Variants in DPY19L1 observed in about 807,000 individuals in gnomAD.
The protein encoded by DPY19L1 is dpy-19 like C-mannosyltransferase 1.
Under a neutral mutation model 96.9 loss-of-function variants are expected in DPY19L1, and 35 were observed. The observed-to-expected ratio is 0.36, with a 90% confidence interval of 0.28 to 0.48. The LOEUF (loss-of-function observed/expected upper bound fraction) is 0.48, where lower values mean the gene tolerates loss of function less well. DPY19L1 is among the 20% of genes least tolerant of loss of function. DPY19L1 has a pLI of 0.99. For missense variants in DPY19L1, 521 were observed against 777.9 expected (o/e 0.67, Z 3.93); for synonymous variants, 205 against 252.6 (o/e 0.81, Z 1.79).
At chr7:34,954,243 T>C (rs1784326711) in intron 13 of DPY19L1, among the ~76,000 whole-genome samples, 1 of 152,006 alleles carries the variant, frequency 6.6e-6, no homozygotes, top group South Asian at 2.1e-4. Flanking sequence ...AAAAATCTTC[T>C]CTAAATAAGA....
At chr7:34,955,778 C>G (rs1188684624) in intron 11 of DPY19L1, among the ~76,000 whole-genome samples, 3 of 152,134 alleles carry the variant, frequency 2.0e-5, no homozygotes, top group Non-Finnish European at 4.4e-5. Flanking sequence ...CAACTAAATA[C>G]TTCTCTGAAG....
At chr7:34,936,737 A>C (rs2128780388) in intron 21 of DPY19L1, among the ~76,000 whole-genome samples, 1 of 152,336 alleles carries the variant, frequency 6.6e-6, no homozygotes, top group East Asian at 1.9e-4. Context: ...CTGAATTCAA[A>C]CCACGTAGCA....
intron 7 of DPY19L1, among the ~76,000 whole-genome samples, chr7:34,977,938 C>T (rs1201891914): frequency 6.6e-6 from 1 of 151,892 alleles, no homozygotes; most frequent in Non-Finnish European, 1.5e-5. Context: ...ATTTTTAGCA[C>T]ACATTTCATA....
Position 35,037,366 on chromosome 7 carries a change from C to G in DPY19L1, c.29G>C (p.Arg10Pro). 2.8e-6 allele frequency: 1 copy of G among 354,960 alleles called. No individual in the cohort carries two copies. The highest frequency in any genetic ancestry group is 5.0e-6 in the Non-Finnish European group (1 of 198,094). 22.0% of individuals were successfully genotyped at this position (354,960 alleles called of 1,614,324 possible). Residue 10 changes from arginine (R) to proline (P), a missense_variant, in exon 1 of 22, where the codon CGG becomes CCG. Physicochemically the swap from Arg to Pro is moderately radical, Grantham distance 103. Transcript: ENST00000638088. MVLQARNKH[R>P]EAAPKPPQPP... ...CTGGGGCGGCTTGGGAGCCGCCTCCCGGTGCTTGTTCCGCGCCTGCAGGAC... is the reference window on the plus strand; with the variant it reads ...CTGGGGCGGCTTGGGAGCCGCCTCCGGGTGCTTGTTCCGCGCCTGCAGGAC...
chr7:35,004,068 C>G (rs1469009021), intron 6 of DPY19L1, among the ~76,000 whole-genome samples: 1 of 152,192 alleles, frequency 6.6e-6, no homozygotes. Flanking sequence ...ACTACAGGAG[C>G]CTTTTGTTCC....
At chr7:35,034,970 A>T (rs1180027879) in intron 1 of DPY19L1, among the ~76,000 whole-genome samples, 1 of 152,210 alleles carries the variant, frequency 6.6e-6, no homozygotes, top group East Asian at 1.9e-4. Context: ...GCTTTCAAAA[A>T]TGTCTAAACT....
At chr7:34,951,468 C>A (rs17792411) in intron 13 of DPY19L1, among the ~76,000 whole-genome samples, 8,888 of 151,834 alleles carry the variant, frequency 0.059, 357 homozygotes, top group Middle Eastern at 0.18. Context: ...TTTAAAAATT[C>A]TTGATTAGAA....
chr7:35,003,649 G>T (rs1284889394), intron 6 of DPY19L1, among the ~76,000 whole-genome samples: 2 of 152,204 alleles, frequency 1.3e-5, no homozygotes, highest in East Asian at 3.9e-4. Flanking sequence ...TGTCCCTACC[G>T]ACTGAGTCCT....
rs1471836741 is a variant in DPY19L1, at chr7:34,931,740, G to T, written c.2091-11C>A. 1 of 1,571,540 alleles carries T rather than the reference G, an allele frequency of 6.4e-7. No individual in the cohort carries two copies. Among genetic ancestry groups the T allele is most frequent in the Middle Eastern group, 1.7e-4 (1 of 5,828 alleles). ...ATACTGCAACCAGGCCTAGAAAAAT[G>T]AATGTACATGTTAAAAATCAATATG... On this transcript the variant is annotated splice_polypyrimidine_tract_variant and intron_variant, in intron 21 of 21. Coordinates refer to ENST00000638088, the MANE Select transcript of DPY19L1 (RefSeq NM_001366673.1).
chr7:34,965,656 G>A (rs1051136854), intron 10 of DPY19L1, among the ~76,000 whole-genome samples: 1 of 152,066 alleles, frequency 6.6e-6, no homozygotes, highest in Non-Finnish European at 1.5e-5. Flanking sequence ...CATTATAAAT[G>A]TTCTTTTATA....
chr7:35,033,452 G>C (rs1786309677), intron 1 of DPY19L1, among the ~76,000 whole-genome samples: 1 of 152,166 alleles, frequency 6.6e-6, no homozygotes, highest in Non-Finnish European at 1.5e-5. Context: ...ATCTGGCTTA[G>C]TAGACGCTCA....
chr7:35,021,155 G>A (rs138238144), intron 1 of DPY19L1, among the ~76,000 whole-genome samples: 250 of 152,306 alleles, frequency 1.6e-3, no homozygotes, highest in Middle Eastern at 6.8e-3. Context: ...CACTCTTGGC[G>A]TTGGTGGTAT....
intron 7 of DPY19L1, among the ~76,000 whole-genome samples, chr7:34,986,340 T>G (rs1157662021): frequency 6.6e-6 from 1 of 152,098 alleles, no homozygotes; most frequent in African/African-American, 2.4e-5. Context: ...GGAATAGATA[T>G]GTTAACTTGC....
At chr7:34,970,862 C>G (rs1461650301) in intron 8 of DPY19L1, among the ~76,000 whole-genome samples, 2 of 143,784 alleles carry the variant, frequency 1.4e-5, no homozygotes, top group African/African-American at 5.2e-5. Context: ...AAAAAAAAAG[C>G]TAAGAACAAC....
At chr7:34,931,920 C>T (rs1051621648) in intron 21 of DPY19L1, among the ~76,000 whole-genome samples, 191 bp from the exon 22 acceptor site, 15 of 152,138 alleles carry the variant, frequency 9.9e-5, no homozygotes, top group African/African-American at 2.4e-4. Context: ...AAGGTCAATG[C>T]AGCAAAGGTG....
chr7:34,987,469 A>G (rs1420991732), intron 7 of DPY19L1, among the ~76,000 whole-genome samples: 2 of 152,120 alleles, frequency 1.3e-5, no homozygotes, highest in Non-Finnish European at 2.9e-5. Flanking sequence ...TTATAAAACC[A>G]TATGAGGAAA....
chr7:34,968,321 C>A (rs186341641), intron 9 of DPY19L1, among the ~76,000 whole-genome samples: 1 of 152,126 alleles, frequency 6.6e-6, no homozygotes, highest in African/African-American at 2.4e-5. Context: ...CTATCCACAA[C>A]CCAATAAAGT....
At chr7:35,004,815 G>A (rs1785514311) in intron 6 of DPY19L1, among the ~76,000 whole-genome samples, 1 of 152,154 alleles carries the variant, frequency 6.6e-6, no homozygotes, top group Non-Finnish European at 1.5e-5. Context: ...AGTATTGCAT[G>A]GGATACAATA....
Position 34,929,931 on chromosome 7 carries a change from C to G in DPY19L1, c.*1642G>C, listed in dbSNP as rs931592633. 2 of 152,268 alleles carry G rather than the reference C, an allele frequency of 1.3e-5. No individual in the cohort carries two copies. Among genetic ancestry groups the G allele is most frequent in the African/African-American group, 4.8e-5 (2 of 41,462 alleles). The allele number at this position is 152,268 out of a possible 1,614,324, so 9.4% of individuals were successfully genotyped here. A position where few individuals can be genotyped will look rare whatever the true frequency, so the allele number is the denominator to read the frequency against. ...GAAGGAGCATCCCTGGGAGCTGCGGCTCTAGGCGCTGGCACAAGACTGGGG... is the reference window on the plus strand; with the variant it reads ...GAAGGAGCATCCCTGGGAGCTGCGGGTCTAGGCGCTGGCACAAGACTGGGG... On this transcript the variant is annotated 3_prime_UTR_variant, in exon 22 of 22. Coordinates refer to ENST00000638088, the MANE Select transcript of DPY19L1 (RefSeq NM_001366673.1).
Sources: allele counts gnomAD v4.1 joint callset (sites outside exome capture counted in the v4.1 genomes callset), GRCh38; gene constraint gnomAD v4.1.1; transcripts MANE v1.5; gene names NCBI Gene and HGNC (gene_info 2026-07-23, HGNC 2026-07-21).